MYO5B: variants seen among roughly 807,000 people sequenced by gnomAD.
The protein encoded by MYO5B is myosin VB.
MYO5B carries 143 observed loss-of-function variants against 229.3 expected under a neutral mutation model. The ratio of observed to expected loss-of-function variants is 0.62; its 90% CI spans 0.54 to 0.72. The LOEUF (loss-of-function observed/expected upper bound fraction) is 0.72, where lower values mean the gene tolerates loss of function less well. Ranked by LOEUF, MYO5B falls within the 30% of genes least tolerant of loss-of-function variation. The pLI is 0.00. For synonymous variants in MYO5B, 918 were observed against 885.2 expected (o/e 1.04, Z -0.66); for missense variants, 2,321 against 2,331.0 (o/e 1.00, Z 0.09).
chr18:50,179,937 T>C (rs945732229), intron 1 of MYO5B, among the ~76,000 whole-genome samples: 1 of 152,136 alleles, frequency 6.6e-6, no homozygotes, highest in African/African-American at 2.4e-5. Context: ...GTGGTATCAA[T>C]GCGGGATGCT....
chr18:49,863,378 A>G, intron 28 of MYO5B, 51 bp from the exon 29 acceptor site: 1 of 1,479,622 alleles, frequency 6.8e-7, no homozygotes, highest in Non-Finnish European at 9.4e-7. Flanking sequence ...TTGCCACAAA[A>G]TGGCTTTATA....
chr18:49,907,648 T>C (rs1215069662), intron 18 of MYO5B, among the ~76,000 whole-genome samples: 2 of 152,222 alleles, frequency 1.3e-5, no homozygotes. Flanking sequence ...TGTTGGCAAA[T>C]GGCCCTGAAA....
intron 18 of MYO5B, among the ~76,000 whole-genome samples, chr18:49,908,042 CCT>C (rs1208736270): frequency 1.3e-5 from 2 of 152,224 alleles, no homozygotes; most frequent in Non-Finnish European, 2.9e-5. Context: ...TAGCTAAGCC[CCT>C]GAGTCAGGGA....
chr18:49,840,913 T>C lies in MYO5B; in HGVS notation c.4701+452A>G, dbSNP rs189715714. On this transcript the variant is annotated intron_variant, in intron 35 of 39. Coordinates refer to ENST00000285039, the MANE Select transcript of MYO5B (RefSeq NM_001080467.3). ...TGCACACACGTAGTTCTGATTATGG[T>C]GTGCCTCTGTTCTTGTGGCCATCTT... is the stretch of plus-strand genomic sequence containing the variant. 1.5e-3 allele frequency among the ~76,000 whole-genome samples: 227 copies of C among 152,348 alleles called. 3 individuals are homozygous for C. The highest frequency in any genetic ancestry group is 0.01 in the Admixed American group (160 of 15,312).
chr18:49,968,689 T>C (rs374095017), intron 10 of MYO5B, among the ~76,000 whole-genome samples: 1 of 151,700 alleles, frequency 6.6e-6, no homozygotes, highest in South Asian at 2.1e-4. Context: ...CATTCCTTAT[T>C]TTGTCATGCT....
chr18:49,943,240 T>C (rs2025336697), intron 14 of MYO5B, among the ~76,000 whole-genome samples: 1 of 137,820 alleles, frequency 7.3e-6, no homozygotes, highest in Admixed American at 7.2e-5. Context: ...GGGGGAGGGA[T>C]AGCATTAGGA....
intron 17 of MYO5B, among the ~76,000 whole-genome samples, chr18:49,923,370 T>C (rs539333919): frequency 6.6e-6 from 1 of 152,114 alleles, no homozygotes; most frequent in African/African-American, 2.4e-5. Context: ...CGGTGCAGGA[T>C]GAGATGTGGA....
intron 26 of MYO5B, among the ~76,000 whole-genome samples, chr18:49,873,563 G>A (rs2024481565): frequency 6.6e-6 from 1 of 152,230 alleles, no homozygotes; most frequent in Non-Finnish European, 1.5e-5. Context: ...TGGTATAGGA[G>A]GCTGTGGCTG....
In MYO5B at chr18:50,107,938, C is replaced by T. The variant is rs149505305; in HGVS notation, c.28-52560G>A. The stretch of plus-strand genomic sequence containing the variant: ...TTTGTTGTTGTTAAGACAGTCTCAC[C>T]CTGTTACCCAGGCTGGATGGAGTGC... On this transcript the variant is annotated intron_variant, in intron 1 of 39. Coordinates refer to ENST00000285039, the MANE Select transcript of MYO5B (RefSeq NM_001080467.3). Among the ~76,000 whole-genome samples the T allele has an allele frequency of 4.8e-3, 725 of 152,206 alleles. 5 individuals carry two copies. The highest frequency in any genetic ancestry group is 0.016 in the African/African-American group (675 of 41,510).
Position 50,045,051 on chromosome 18 carries a change from G to T in MYO5B, c.139-4737C>A, listed in dbSNP as rs1037701486. On this transcript the variant is annotated intron_variant, in intron 2 of 39. Coordinates refer to ENST00000285039, the MANE Select transcript of MYO5B (RefSeq NM_001080467.3). ...GCATTTGTCTCAGAGTAGGCAGAGG[G>T]ATGATTTCTGTTCTTGTCCTTGTGC... Among the ~76,000 whole-genome samples, 44 of 152,178 alleles carry T rather than the reference G, an allele frequency of 2.9e-4. 1 individual carries two copies. The highest frequency in any genetic ancestry group is 2.5e-3 in the Admixed American group (38 of 15,282).
At chr18:49,896,079 C>G (rs1158821501) in intron 21 of MYO5B, among the ~76,000 whole-genome samples, 2 of 152,188 alleles carry the variant, frequency 1.3e-5, no homozygotes, top group African/African-American at 2.4e-5. Context: ...CACCGATAAG[C>G]TGGAGCATCA....
intron 18 of MYO5B, 125 bp downstream of exon 18, chr18:49,911,937 A>G: frequency 1.2e-6 from 1 of 804,162 alleles, no homozygotes; most frequent in East Asian, 2.4e-5. Flanking sequence ...AAATGGATTA[A>G]TATCCCAGAA....
chr18:49,981,645 A>G lies in MYO5B; in HGVS notation c.947-1092T>C, dbSNP rs79804382. 2.3e-4 allele frequency among the ~76,000 whole-genome samples: 35 copies of G among 152,380 alleles called. 1 individual carries two copies. The East Asian group carries it at 6.7e-3, about 29-fold the overall frequency. On this transcript the variant is annotated intron_variant, in intron 8 of 39. Coordinates refer to ENST00000285039, the MANE Select transcript of MYO5B (RefSeq NM_001080467.3). ...TGTTCTTGCTTGTCATTAGATTCCC[A>G]GGGCCTTGAACACTGCCTGGAACAT...
intron 1 of MYO5B, among the ~76,000 whole-genome samples, chr18:50,104,184 A>G (rs1268664599): frequency 1.4e-5 from 1 of 72,134 alleles, no homozygotes; most frequent in Non-Finnish European, 3.5e-5. Flanking sequence ...AAAAAAAAGA[A>G]AATTATACCT....
chr18:49,864,875 G>C (rs578114674), intron 27 of MYO5B, among the ~76,000 whole-genome samples: 20 of 152,280 alleles, frequency 1.3e-4, no homozygotes, highest in African/African-American at 4.8e-4. Context: ...ATTAGACTTG[G>C]AAGATACACC....
At chr18:49,859,461 G>A (rs1224915809) in intron 29 of MYO5B, among the ~76,000 whole-genome samples, 1 of 152,126 alleles carries the variant, frequency 6.6e-6, no homozygotes, top group African/African-American at 2.4e-5. Context: ...TCAGTTTCCC[G>A]GTTCTAAAAA....
intron 1 of MYO5B, among the ~76,000 whole-genome samples, chr18:50,148,618 T>C (rs1434257863): frequency 6.6e-6 from 1 of 152,208 alleles, no homozygotes; most frequent in African/African-American, 2.4e-5. Context: ...GAAAAGGTCT[T>C]TGACAAAATT....
intron 1 of MYO5B, among the ~76,000 whole-genome samples, chr18:50,148,717 A>G (rs945146952): frequency 3.1e-3 from 472 of 150,868 alleles, no homozygotes; most frequent in Non-Finnish European, 4.5e-3. Flanking sequence ...ACAAACCCAC[A>G]GCCAATATCA....
intron 1 of MYO5B, among the ~76,000 whole-genome samples, chr18:50,129,190 G>C (rs868972): frequency 0.31 from 46,557 of 152,086 alleles, 7,638 homozygotes; most frequent in Admixed American, 0.46. Flanking sequence ...ACTGTGGAGA[G>C]GGCAGGGACT....
Sources: gnomAD v4.1 joint callset for allele counts (sites outside exome capture counted in the v4.1 genomes callset) on GRCh38, gnomAD v4.1.1 for gene constraint, MANE v1.5 for transcripts, NCBI Gene and HGNC (gene_info 2026-07-23, HGNC 2026-07-21) for gene names.